VRK1: variants seen among roughly 807,000 people sequenced by gnomAD.
VRK1 encodes the protein VRK serine/threonine kinase 1.
VRK1 carries 33 observed loss-of-function variants against 57.1 expected under a neutral mutation model. That is an observed-to-expected ratio of 0.58 (90% CI 0.44 to 0.77). VRK1 has a LOEUF of 0.77. Ranked by LOEUF, VRK1 falls within the 30% of genes least tolerant of loss-of-function variation. The probability of loss-of-function intolerance (pLI) is 0.00; values close to 1 mark genes in which losing one functional copy is unlikely to be tolerated. For missense variants in VRK1, 413 were observed against 477.3 expected (o/e 0.87, Z 1.25); for synonymous variants, 137 against 147.8 (o/e 0.93, Z 0.53).
chr14:96,879,127 A>G (rs534263531), intron 12 of VRK1, among the ~76,000 whole-genome samples: 1 of 152,256 alleles, frequency 6.6e-6, no homozygotes, highest in Admixed American at 6.5e-5. Flanking sequence ...AAAGCATCCC[A>G]AACTTGTATG....
chr14:96,854,468 A>G (rs1888071170), intron 7 of VRK1, among the ~76,000 whole-genome samples: 1 of 152,124 alleles, frequency 6.6e-6, no homozygotes. Flanking sequence ...GCCCAGATGC[A>G]TGCATTTGTG....
At chr14:96,818,399 CT>C (rs1440462860) in intron 1 of VRK1, among the ~76,000 whole-genome samples, 3 of 148,882 alleles carry the variant, frequency 2.0e-5, no homozygotes. Flanking sequence ...GAAATTTTTT[CT>C]TTTCTGAAGA....
intron 1 of VRK1, among the ~76,000 whole-genome samples, chr14:96,819,450 A>C (rs980748510): frequency 6.6e-6 from 1 of 152,188 alleles, no homozygotes; most frequent in Non-Finnish European, 1.5e-5. Context: ...CCTGTGTAGC[A>C]TGAAAATATA....
Position 96,864,538 on chromosome 14 carries a change from C to T in VRK1, c.1068+3803C>T, listed in dbSNP as rs141747093. On this transcript the variant is annotated intron_variant, in intron 11 of 12. Coordinates refer to ENST00000216639, the MANE Select transcript of VRK1 (RefSeq NM_003384.3). ...TGGACATTCAAATTGTTCCAGTTTCCGGCAGTTGTGATAATGCTGTTAAGA... is the reference window on the plus strand; with the variant it reads ...TGGACATTCAAATTGTTCCAGTTTCTGGCAGTTGTGATAATGCTGTTAAGA... 1.1e-4 allele frequency among the ~76,000 whole-genome samples: 16 copies of T among 152,120 alleles called. No homozygotes were observed. In the East Asian group the frequency reaches 1.5e-3, roughly 15 times the overall value.
intron 1 of VRK1, among the ~76,000 whole-genome samples, chr14:96,832,625 C>T (rs1887051887): frequency 6.6e-6 from 1 of 152,064 alleles, no homozygotes; most frequent in East Asian, 1.9e-4. Context: ...GTACTCTTTT[C>T]ACAATAAAAC....
chr14:96,816,997 T>A (rs1256400609), intron 1 of VRK1, among the ~76,000 whole-genome samples: 1 of 152,222 alleles, frequency 6.6e-6, no homozygotes, highest in Admixed American at 6.5e-5. Context: ...AAAAAGTACC[T>A]GTTAAAAGTA....
At chr14:96,805,295 TA>T (rs1282928862) in intron 1 of VRK1, among the ~76,000 whole-genome samples, 4 of 152,182 alleles carry the variant, frequency 2.6e-5, no homozygotes, top group African/African-American at 9.7e-5. Flanking sequence ...TTCCGGACAG[TA>T]AAGACATTAT....
chr14:96,799,849 G>A (rs1323948210), intron 1 of VRK1, among the ~76,000 whole-genome samples: 3 of 152,190 alleles, frequency 2.0e-5, no homozygotes, highest in Admixed American at 6.5e-5. Context: ...CAGAGATCAC[G>A]TGCCCCCTAT....
intron 1 of VRK1, among the ~76,000 whole-genome samples, chr14:96,809,567 T>C: frequency 6.8e-6 from 1 of 146,360 alleles, no homozygotes; most frequent in East Asian, 1.9e-4. Context: ...GCTTGCTTGC[T>C]TTCTTTTTTT....
intron 11 of VRK1, among the ~76,000 whole-genome samples, chr14:96,871,211 C>T (rs975792826): frequency 3.9e-5 from 6 of 152,092 alleles, no homozygotes; most frequent in Admixed American, 2.0e-4. Flanking sequence ...ACTTTGTGTG[C>T]CATATATTTA....
At chr14:96,859,780 A>C (rs1888311143) in intron 10 of VRK1, among the ~76,000 whole-genome samples, 2 of 152,164 alleles carry the variant, frequency 1.3e-5, no homozygotes, top group Non-Finnish European at 2.9e-5. Context: ...AATCTCAGTA[A>C]CTGAGACAGA....
At chr14:96,817,347 G>A (rs935426272) in intron 1 of VRK1, among the ~76,000 whole-genome samples, 1 of 151,572 alleles carries the variant, frequency 6.6e-6, no homozygotes, top group Non-Finnish European at 1.5e-5. Context: ...TTTTTAATTT[G>A]TTTTTTGAAT....
intron 1 of VRK1, among the ~76,000 whole-genome samples, chr14:96,832,315 A>T (rs557158224): frequency 5.7e-4 from 87 of 152,254 alleles, no homozygotes; most frequent in African/African-American, 2.0e-3. Flanking sequence ...AGTGTTGCAT[A>T]CTGTCTTAAT....
At chr14:96,805,888 C>G (rs1454989375) in intron 1 of VRK1, among the ~76,000 whole-genome samples, 1 of 151,826 alleles carries the variant, frequency 6.6e-6, no homozygotes, top group Non-Finnish European at 1.5e-5. Context: ...TTCTTTTCTA[C>G]TTGTCTAGAT....
At chr14:96,855,848 A>G (rs1464637902) in intron 8 of VRK1, among the ~76,000 whole-genome samples, 1 of 152,140 alleles carries the variant, frequency 6.6e-6, no homozygotes, top group Non-Finnish European at 1.5e-5. Flanking sequence ...AAGTTTTCCA[A>G]AGGAAAACTA....
Position 96,852,859 on chromosome 14 carries a change from G to T in VRK1, c.403G>T (p.Gly135Trp). The T allele has an allele frequency of 6.2e-7, 1 of 1,613,732 alleles. No homozygotes were observed. Among genetic ancestry groups the T allele is most frequent in the Non-Finnish European group, 8.5e-7 (1 of 1,179,824 alleles). The change falls in exon 6 of 13, where the codon GGG becomes TGG. Residue 135 changes from glycine (G) to tryptophan (W), a missense_variant. By Grantham distance (184) the Gly-to-Trp change is radical (BLOSUM62 -2). This residue lies in a region of VRK1 where 151 missense variants were observed against 225.5 expected (regional missense o/e 0.67). Coordinates refer to ENST00000216639, the MANE Select transcript of VRK1 (RefSeq NM_003384.3). ...SYRFMIMDRFGSDLQKIYEAN... is the reference protein window; with the variant it reads ...SYRFMIMDRFWSDLQKIYEAN... ...CAGGTTTATGATAATGGATCGCTTT[G>T]GGAGTGACCTTCAGAAAATATATGA...
At chr14:96,848,561 T>G (rs1887809059) in intron 5 of VRK1, among the ~76,000 whole-genome samples, 1 of 152,190 alleles carries the variant, frequency 6.6e-6, no homozygotes, top group African/African-American at 2.4e-5. Flanking sequence ...CTGAAGTCAC[T>G]TTTAACATTT....
chr14:96,859,404 A>G (rs1211035251), intron 10 of VRK1, among the ~76,000 whole-genome samples: 2 of 152,154 alleles, frequency 1.3e-5, no homozygotes, highest in Non-Finnish European at 2.9e-5. Context: ...ACACATAACT[A>G]TTCTGTTATA....
At chr14:96,877,767 G>A in intron 12 of VRK1, 2 of 784,038 alleles carry the variant, frequency 2.6e-6, no homozygotes, top group Non-Finnish European at 1.5e-6. Flanking sequence ...TTGACTGCCT[G>A]GACATCATTT....
Sources: gnomAD v4.1 joint callset for allele counts (sites outside exome capture counted in the v4.1 genomes callset) on GRCh38, gnomAD v4.1.1 for gene constraint, gnomAD v4.1.1 regional missense constraint, MANE v1.5 for transcripts, NCBI Gene and HGNC (gene_info 2026-07-23, HGNC 2026-07-21) for gene names.